The following SNAP91 variants were observed in gnomAD, a reference collection of about 807,000 sequenced individuals.
The protein encoded by SNAP91 is synaptosome associated protein 91.
SNAP91 carries 27 observed loss-of-function variants against 100.3 expected under a neutral mutation model. The ratio of observed to expected loss-of-function variants is 0.27; its 90% CI spans 0.20 to 0.37. The LOEUF (loss-of-function observed/expected upper bound fraction) is 0.37. SNAP91 is among the 10% of genes least tolerant of loss of function. The pLI, the probability that SNAP91 is intolerant of heterozygous loss-of-function variation, is 1.00. For synonymous variants in SNAP91, 404 were observed against 398.6 expected (o/e 1.01, Z -0.16); for missense variants, 986 against 1,123.7 (o/e 0.88, Z 1.75).
Position 83,575,699 on chromosome 6 carries a change from C to T in SNAP91, c.2330+324G>A, listed in dbSNP as rs183776682. 1.1e-4 allele frequency: 29 copies of T among 257,472 alleles called. No homozygotes were observed. The Admixed American group carries it at 1.6e-3, about 14-fold the overall frequency. 15.9% of individuals were successfully genotyped at this position (257,472 alleles called of 1,614,324 possible). A position where few individuals can be genotyped will look rare whatever the true frequency, so the allele number is the denominator to read the frequency against. ...ACTCCATGAAAGACTTTTTAAAATT[C>T]ATGTTAGCTAGAACTATGGTAATGA... On this transcript the variant is annotated intron_variant, in intron 25 of 29. Coordinates refer to ENST00000369694, the MANE Select transcript of SNAP91 (RefSeq NM_001242792.2).
chr6:83,624,291 A>G (rs2096847005), intron 8 of SNAP91, among the ~76,000 whole-genome samples: 1 of 152,140 alleles, frequency 6.6e-6, no homozygotes, highest in Non-Finnish European at 1.5e-5. Flanking sequence ...AAAATTATTC[A>G]AAGTGAAAAG....
intron 29 of SNAP91, among the ~76,000 whole-genome samples, chr6:83,555,388 C>A (rs769580224): frequency 6.6e-6 from 1 of 152,232 alleles, no homozygotes; most frequent in South Asian, 2.1e-4. Flanking sequence ...TGGGCAAATT[C>A]CTTAATGCCC....
At chr6:83,590,692 C>T (rs1445197389) in intron 22 of SNAP91, among the ~76,000 whole-genome samples, 1 of 152,076 alleles carries the variant, frequency 6.6e-6, no homozygotes, top group Non-Finnish European at 1.5e-5. Context: ...TTCCCCACAA[C>T]TTCCTTTAAA....
chr6:83,633,666 G>A (rs973902002), intron 8 of SNAP91, among the ~76,000 whole-genome samples: 1 of 151,982 alleles, frequency 6.6e-6, no homozygotes, highest in Non-Finnish European at 1.5e-5. Flanking sequence ...GGGGAAAGCC[G>A]ACAGTCACAG....
Position 83,691,455 on chromosome 6 carries a change from A to G in SNAP91, c.130+16343T>C, listed in dbSNP as rs1478691116. Among the ~76,000 whole-genome samples, 11 of 152,308 alleles carry G rather than the reference A, an allele frequency of 7.2e-5. No individual in the cohort carries two copies. The East Asian group carries it at 2.1e-3, about 29-fold the overall frequency. ...CAAATATATTTCACTGTTAGTATATACAATGTATATCGAGATTCACCACAA... is the reference window on the plus strand; with the variant it reads ...CAAATATATTTCACTGTTAGTATATGCAATGTATATCGAGATTCACCACAA... On this transcript the variant is annotated intron_variant, in intron 2 of 29. Transcript: ENST00000369694.
chr6:83,592,611 G>T, intron 20 of SNAP91, 73 bp from the exon 21 acceptor site: 1 of 1,229,200 alleles, frequency 8.1e-7, no homozygotes, highest in South Asian at 1.3e-5. Context: ...TTGACAAATG[G>T]CATCTTGGGA....
At chr6:83,557,641 T>C (rs1780760437) in intron 28 of SNAP91, among the ~76,000 whole-genome samples, 1 of 152,086 alleles carries the variant, frequency 6.6e-6, no homozygotes, top group Non-Finnish European at 1.5e-5. Context: ...ACCACTGCAC[T>C]TCAGCCTGGG....
intron 16 of SNAP91, 133 bp downstream of exon 16, chr6:83,601,138 C>T: frequency 1.4e-6 from 1 of 714,610 alleles, no homozygotes; most frequent in Non-Finnish European, 2.3e-6. Flanking sequence ...GATAAATATA[C>T]ATGAATAAAC....
At chr6:83,632,432 G>C (rs1472937873) in intron 8 of SNAP91, among the ~76,000 whole-genome samples, 4 of 152,010 alleles carry the variant, frequency 2.6e-5, no homozygotes, top group Non-Finnish European at 5.9e-5. Flanking sequence ...TGTACGTCTA[G>C]GTCTCTAGCA....
intron 10 of SNAP91, 114 bp from the exon 11 acceptor site, chr6:83,614,976 C>T: frequency 1.3e-6 from 1 of 768,654 alleles, no homozygotes; most frequent in South Asian, 1.9e-5. Context: ...GTGGTTTTAG[C>T]CAATTCAGAA....
At chr6:83,615,739 C>T (rs1473198996) in intron 10 of SNAP91, among the ~76,000 whole-genome samples, 2 of 152,014 alleles carry the variant, frequency 1.3e-5, no homozygotes, top group African/African-American at 2.4e-5. Flanking sequence ...AATTTCTACA[C>T]TAACTTGAAA....
intron 2 of SNAP91, among the ~76,000 whole-genome samples, chr6:83,668,917 G>A (rs976708239): frequency 5.9e-5 from 9 of 151,994 alleles, no homozygotes; most frequent in Non-Finnish European, 1.5e-5. Context: ...ATATTATTAA[G>A]TTGAAAATGC....
In SNAP91 at chr6:83,676,357, AATAG is replaced by A. The variant is rs200191950; in HGVS notation, c.131-10780_131-10777del. Among the ~76,000 whole-genome samples the A allele has an allele frequency of 5.0e-3, 756 of 152,236 alleles. 10 individuals are homozygous for A. Among genetic ancestry groups the A allele is most frequent in the African/African-American group, 0.017 (718 of 41,562 alleles). Reference sequence around the variant, plus strand: ...TGAAAAATAAAAAAGTAAGAAGAGAAATAGATAGAGGATACTGCTTCAGATAGGG... The same window carrying A: ...TGAAAAATAAAAAAGTAAGAAGAGAAATAGAGGATACTGCTTCAGATAGGG... On this transcript the variant is annotated intron_variant, in intron 2 of 29. Coordinates refer to ENST00000369694, the MANE Select transcript of SNAP91 (RefSeq NM_001242792.2).
At chr6:83,617,438 T>C (rs982203267) in intron 9 of SNAP91, among the ~76,000 whole-genome samples, 2 of 151,914 alleles carry the variant, frequency 1.3e-5, no homozygotes, top group African/African-American at 4.8e-5. Context: ...TTACAGAAAT[T>C]TGAAAATACA....
intron 2 of SNAP91, among the ~76,000 whole-genome samples, chr6:83,668,335 T>C (rs892847667): frequency 1.3e-5 from 2 of 152,212 alleles, no homozygotes; most frequent in African/African-American, 4.8e-5. Context: ...ACTGGGTATA[T>C]ACCCAAAGGA....
chr6:83,698,537 T>G (rs2129036635), intron 2 of SNAP91, among the ~76,000 whole-genome samples: 1 of 152,056 alleles, frequency 6.6e-6, no homozygotes, highest in East Asian at 1.9e-4. Context: ...CCTCAAAGGG[T>G]TACTCCCTTA....
intron 5 of SNAP91, 142 bp from the exon 6 acceptor site, chr6:83,659,234 T>A: frequency 1.5e-6 from 1 of 645,458 alleles, no homozygotes; most frequent in Non-Finnish European, 2.6e-6. Flanking sequence ...TACAAGGTTG[T>A]AGTCATTTCC....
At position 83,695,459 on chromosome 6, in the gene SNAP91, A is replaced by T. The variant is rs563817977; in HGVS notation, c.130+12339T>A. On this transcript the variant is annotated intron_variant, in intron 2 of 29. Coordinates refer to ENST00000369694, the MANE Select transcript of SNAP91 (RefSeq NM_001242792.2). ...TATTGTTTGAATACACTATCATTTTAAAAAAAGTATTTGGGTATATTCAAT... is the reference window on the plus strand; with the variant it reads ...TATTGTTTGAATACACTATCATTTTTAAAAAAGTATTTGGGTATATTCAAT... Among the ~76,000 whole-genome samples the T allele has an allele frequency of 1.1e-3, 164 of 152,206 alleles. 2 individuals carry two copies. Among genetic ancestry groups the T allele is most frequent in the Non-Finnish European group, 1.0e-4 (7 of 67,996 alleles).
chr6:83,617,098 G>C, intron 9 of SNAP91, 59 bp from the exon 10 acceptor site: 6 of 1,127,870 alleles, frequency 5.3e-6, no homozygotes, highest in Non-Finnish European at 7.6e-6. Flanking sequence ...TAAACACACT[G>C]TAATGTCACT....
Sources: allele counts gnomAD v4.1 joint callset (sites outside exome capture counted in the v4.1 genomes callset), GRCh38; gene constraint gnomAD v4.1.1; transcripts MANE v1.5; gene names NCBI Gene and HGNC (gene_info 2026-07-23, HGNC 2026-07-21).